Variants in DCAF4 observed in about 807,000 individuals in gnomAD.
DCAF4 encodes DDB1 and CUL4 associated factor 4.
Under a neutral mutation model 60.9 loss-of-function variants are expected in DCAF4, and 37 were observed. The ratio of observed to expected loss-of-function variants is 0.61; its 90% CI spans 0.47 to 0.80. The LOEUF is 0.80. Ranked by LOEUF, DCAF4 falls within the 30% of genes least tolerant of loss-of-function variation. DCAF4 has a pLI of 0.00. For missense variants in DCAF4, 577 were observed against 650.0 expected, an observed-to-expected ratio of 0.89 and a Z score of 1.22; for synonymous variants, 243 against 254.8, an observed-to-expected ratio of 0.95 and a Z score of 0.44.
chr14:72,938,895 A>G (rs1284229156), intron 2 of DCAF4, among the ~76,000 whole-genome samples: 2 of 152,006 alleles, frequency 1.3e-5, no homozygotes, highest in Non-Finnish European at 2.9e-5. Context: ...ACCAGGCTAC[A>G]TTACATTTAT....
intron 9 of DCAF4, among the ~76,000 whole-genome samples, chr14:72,953,678 C>T (rs1164585805): frequency 1.6e-5 from 2 of 125,736 alleles, no homozygotes; most frequent in South Asian, 2.6e-4. Flanking sequence ...CCACTGCACT[C>T]CAGACTGGGC....
At chr14:72,950,620 T>C (rs1381332696) in intron 8 of DCAF4, among the ~76,000 whole-genome samples, 1 of 151,930 alleles carries the variant, frequency 6.6e-6, no homozygotes, top group Non-Finnish European at 1.5e-5. Context: ...GACACACACG[T>C]AGGCAAGGGT....
At chr14:72,948,469 G>T (rs1406339041) in intron 8 of DCAF4, among the ~76,000 whole-genome samples, 1 of 152,182 alleles carries the variant, frequency 6.6e-6, no homozygotes, top group African/African-American at 2.4e-5. Flanking sequence ...TTCATTTGAT[G>T]GGGTTCTGTA....
At position 72,955,592 on chromosome 14, in the gene DCAF4, G is replaced by A; in HGVS notation, c.1075G>A (p.Gly359Ser). The A allele has an allele frequency of 6.2e-7, 1 of 1,614,172 alleles. No individual in the cohort carries two copies. The highest frequency in any genetic ancestry group is 8.5e-7 in the Non-Finnish European group (1 of 1,180,030). The change falls in exon 12 of 14, where the codon GGC becomes AGC. Residue 359 changes from glycine (G) to serine (S), a missense_variant. By Grantham distance (56) the Gly-to-Ser change is moderately conservative. Transcript: ENST00000358377. ...CATTGATCTGCGTTGTGGAAATCAA[G>A]GCAAGGGATGGAAGGCCACCCGCCT... ...FAIDLRCGNQ[G>S]KGWKATRLFH... is the part of the protein sequence containing the mutation.
chr14:72,959,118 GA>G lies in DCAF4; in HGVS notation c.*314del. ...AAAAAGGACTTTTCTAAGGACTGAA[GA>G]TTGGCAAAAACGAAAAGCTTCTTCC... On this transcript the variant is annotated 3_prime_UTR_variant, in exon 14 of 14. Transcript: ENST00000358377. The G allele has an allele frequency of 1.9e-6, 2 of 1,046,526 alleles. No individual in the cohort carries two copies. Among genetic ancestry groups the G allele is most frequent in the Non-Finnish European group, 2.3e-6 (2 of 869,524 alleles). The allele number at this position is 1,046,526 out of a possible 1,614,324, so 64.8% of individuals were successfully genotyped here.
chr14:72,935,020 C>T (rs985561480), intron 1 of DCAF4: 1 of 152,196 alleles, frequency 6.6e-6, no homozygotes, highest in African/African-American at 2.4e-5. Context: ...GTTTGCCTTA[C>T]AGAATTCACC....
chr14:72,941,618 T>G, intron 4 of DCAF4, 127 bp from the exon 5 acceptor site: 1 of 818,958 alleles, frequency 1.2e-6, no homozygotes. Flanking sequence ...CAGATTTTTA[T>G]GCATATAATT....
intron 1 of DCAF4, among the ~76,000 whole-genome samples, chr14:72,933,429 T>C (rs1239816508): frequency 1.3e-5 from 2 of 151,858 alleles, no homozygotes; most frequent in African/African-American, 4.8e-5. Flanking sequence ...CATGGTGGCA[T>C]GCGCCTGTAG....
Position 72,945,922 on chromosome 14 carries a change from T to C in DCAF4, c.573T>C (p.Asp191=). 3 of 1,614,198 alleles carry C rather than the reference T, an allele frequency of 1.9e-6. No homozygotes were observed. Among genetic ancestry groups the C allele is most frequent in the Non-Finnish European group, 2.5e-6 (3 of 1,180,028 alleles). The change falls in exon 7 of 14, where the codon GAT becomes GAC. Residue 191 remains aspartate (D), a synonymous_variant. Coordinates refer to ENST00000358377, the MANE Select transcript of DCAF4 (RefSeq NM_015604.4). ...GTGACCGGCTCTTCACAGTGAACGA[T>C]GTTAAAGTTGGAGGCTCCAAGTATG... ...TNSDRLFTVN[D]VKVGGSKYGI...
At position 72,951,861 on chromosome 14, in the gene DCAF4, C is replaced by T. The variant is rs990783533; in HGVS notation, c.792C>T (p.Phe264=). 8.1e-6 allele frequency: 13 copies of T among 1,613,992 alleles called. No individual in the cohort carries two copies. The highest frequency in any genetic ancestry group is 1.3e-5 in the African/African-American group (1 of 74,910). The change falls in exon 9 of 14, where the codon TTC becomes TTT. Residue 264 remains phenylalanine, a synonymous_variant. Transcript: ENST00000358377. Reference sequence around the variant, plus strand: ...CCACCCTGCTCCCAGCATCACTGTTCGTCAATAGTCACCCAGGTACAGGGT... The same window carrying T: ...CCACCCTGCTCCCAGCATCACTGTTTGTCAATAGTCACCCAGGTACAGGGT... ...GCATLLPASL[F]VNSHPGIDRP... is the part of the protein sequence containing the mutation.
At chr14:72,954,632 G>T (rs182766567) in intron 11 of DCAF4, 149 bp downstream of exon 11, 2 of 778,452 alleles carry the variant, frequency 2.6e-6, no homozygotes, top group African/African-American at 3.5e-5. Context: ...CTTTGTAAGG[G>T]TGTCTGAGCC....
intron 9 of DCAF4, among the ~76,000 whole-genome samples, chr14:72,953,722 AAAAAAAAAAAATATATATAT>A (rs1217468979): frequency 2.0e-5 from 1 of 50,192 alleles, no homozygotes; most frequent in African/African-American, 1.0e-4. Context: ...AAAAAAAAAA[AAAAAAAAAAAATATATATAT>A]ATATATATAT....
intron 9 of DCAF4, among the ~76,000 whole-genome samples, chr14:72,953,644 AG>A (rs1891732349): frequency 1.4e-5 from 2 of 138,456 alleles, no homozygotes; most frequent in South Asian, 5.1e-4. Flanking sequence ...TGGGAGGTTG[AG>A]GATGCATTGA....
In DCAF4 at chr14:72,938,054, C is replaced by T. The variant is rs756769433; in HGVS notation, c.76C>T (p.Arg26Cys). 1.2e-5 allele frequency: 19 copies of T among 1,607,794 alleles called. No homozygotes were observed. The highest frequency in any genetic ancestry group is 6.9e-5 in the Admixed American group (4 of 57,954). Reference sequence around the variant, plus strand: ...CCAGCAGAACCCTTGGTTCAGACTCCGTGATTCTGAAGACAGGCAAGTGTG... The same window carrying T: ...CCAGCAGAACCCTTGGTTCAGACTCTGTGATTCTGAAGACAGGCAAGTGTG... ...SHQQNPWFRLRDSEDRSDSRA... is the reference protein window; with the variant it reads ...SHQQNPWFRLCDSEDRSDSRA... The change falls in exon 2 of 14, where the codon CGT (arginine) becomes TGT (cysteine). Residue 26 changes from arginine to cysteine, a missense_variant. By Grantham distance (180) the Arg-to-Cys change is radical. Transcript: ENST00000358377.
intron 1 of DCAF4, chr14:72,930,003 GT>G (rs1888325897): frequency 1.6e-6 from 1 of 622,606 alleles, no homozygotes; most frequent in Non-Finnish European, 2.8e-6. Flanking sequence ...GTTGTGGCTC[GT>G]GCCTGTAATT....
intron 13 of DCAF4, 187 bp downstream of exon 13, chr14:72,956,687 A>G (rs1446616127): frequency 9.1e-6 from 5 of 547,480 alleles, no homozygotes; most frequent in African/African-American, 5.7e-5. Context: ...AGGAGTGTAA[A>G]TAAATGTCCA....
intron 4 of DCAF4, 154 bp downstream of exon 4, chr14:72,940,531 C>A: frequency 1.1e-5 from 7 of 661,870 alleles, no homozygotes; most frequent in South Asian, 5.2e-5. Context: ...AGGAAGAAGA[C>A]AAGAATAAGA....
chr14:72,959,149 A>G lies in DCAF4; in HGVS notation c.*344A>G, dbSNP rs1892667125. ...CAAAAACGAAAAGCTTCTTCCTCCA[A>G]GAGCCCATTGAAGAAGCCCAGTGAT... On this transcript the variant is annotated 3_prime_UTR_variant, in exon 14 of 14. Transcript: ENST00000358377. 5.9e-6 allele frequency: 6 copies of G among 1,010,778 alleles called. No individual in the cohort carries two copies. The highest frequency in any genetic ancestry group is 2.4e-6 in the Non-Finnish European group (2 of 846,242). 62.6% of individuals were successfully genotyped at this position (1,010,778 alleles called of 1,614,324 possible).
chr14:72,940,465 C>A, intron 4 of DCAF4, 88 bp downstream of exon 4: 1 of 1,385,336 alleles, frequency 7.2e-7, no homozygotes, highest in Non-Finnish European at 9.6e-7. Flanking sequence ...AATTAGATGC[C>A]CCTGCGACAC....
Sources: gnomAD v4.1 joint callset for allele counts (sites outside exome capture counted in the v4.1 genomes callset) on GRCh38, gnomAD v4.1.1 for gene constraint, MANE v1.5 for transcripts, NCBI Gene and HGNC (gene_info 2026-07-23, HGNC 2026-07-21) for gene names.